CCDC134: variants seen among roughly 807,000 people sequenced by gnomAD.
The protein encoded by CCDC134 is coiled-coil domain-containing protein 134.
A neutral mutation model predicts 25.6 loss-of-function variants in CCDC134; 27 were observed. The observed-to-expected ratio is 1.05, with a 90% CI of 0.78 to 1.45. The LOEUF (loss-of-function observed/expected upper bound fraction) is 1.45. CCDC134 is among the 40% of genes most tolerant of loss of function. The pLI is 0.00. For synonymous variants in CCDC134, 110 were observed against 115.0 expected (o/e 0.96, Z 0.28); for missense variants, 261 against 286.7 (o/e 0.91, Z 0.65).
Position 41,809,072 on chromosome 22 carries a change from A to G in CCDC134, c.103+79A>G, listed in dbSNP as rs2076582122. ...GTTCTTCTACTCAGGGATTCCAGGG[A>G]TAAGCAGGCCCAGCTGGCGGGAACA... On this transcript the variant is annotated intron_variant, in intron 2 of 6. Coordinates refer to ENST00000255784, the MANE Select transcript of CCDC134 (RefSeq NM_024821.5). 4 of 1,209,534 alleles carry G rather than the reference A, an allele frequency of 3.3e-6. No homozygotes were observed. The Admixed American group carries it at 8.4e-5, about 25-fold the overall frequency. The allele number at this position is 1,209,534 out of a possible 1,614,324, so 74.9% of individuals were successfully genotyped here.
intron 6 of CCDC134, among the ~76,000 whole-genome samples, chr22:41,820,728 T>G (rs542742452): frequency 5.9e-5 from 9 of 152,336 alleles, no homozygotes; most frequent in Admixed American, 3.3e-4. Flanking sequence ...AGAATGGGAC[T>G]CATTTTTTCA....
At position 41,809,012 on chromosome 22, in the gene CCDC134, G is replaced by C; in HGVS notation, c.103+19G>C. The C allele has an allele frequency of 6.3e-7, 1 of 1,585,856 alleles. No individual in the cohort carries two copies. The highest frequency in any genetic ancestry group is 1.1e-5 in the South Asian group (1 of 90,420). The stretch of plus-strand genomic sequence containing the variant: ...GAGATCTGTATCCTTTGGGGTTGTA[G>C]TTAATGAGCTGTCTTTGAGAGGTCT... On this transcript the variant is annotated intron_variant, in intron 2 of 6. Transcript: ENST00000255784.
At chr22:41,819,133 G>T (rs561838222) in intron 6 of CCDC134, among the ~76,000 whole-genome samples, 2 of 152,300 alleles carry the variant, frequency 1.3e-5, no homozygotes, top group South Asian at 4.1e-4. Flanking sequence ...AGGAGCCCCA[G>T]ATTTGCTTGG....
chr22:41,807,895 C>T (rs1276659706), intron 1 of CCDC134, among the ~76,000 whole-genome samples: 1 of 152,078 alleles, frequency 6.6e-6, no homozygotes, highest in Non-Finnish European at 1.5e-5. Context: ...GGCGCGGTGG[C>T]TCACATCTGA....
At chr22:41,807,819 G>A (rs913848927) in intron 1 of CCDC134, among the ~76,000 whole-genome samples, 1 of 151,664 alleles carries the variant, frequency 6.6e-6, no homozygotes, top group African/African-American at 2.4e-5. Flanking sequence ...TCAGGAGTTG[G>A]AGACCAGCCT....
chr22:41,822,593 G>A (rs999348369), intron 6 of CCDC134, among the ~76,000 whole-genome samples: 1 of 152,198 alleles, frequency 6.6e-6, no homozygotes, highest in Non-Finnish European at 1.5e-5. Flanking sequence ...ACAGGGAAAG[G>A]ATGGGTGTGT....
intron 6 of CCDC134, among the ~76,000 whole-genome samples, chr22:41,823,763 CAG>C (rs1305467107): frequency 3.9e-5 from 6 of 152,208 alleles, no homozygotes; most frequent in African/African-American, 1.4e-4. Context: ...CAGACTGAGA[CAG>C]TGTAGACATA....
intron 6 of CCDC134, among the ~76,000 whole-genome samples, chr22:41,824,563 T>C (rs2076667079): frequency 6.6e-6 from 1 of 152,148 alleles, no homozygotes; most frequent in Non-Finnish European, 1.5e-5. Flanking sequence ...GGTTTGAGAC[T>C]AGCCTGGCCA....
At chr22:41,823,008 A>G (rs1160287721) in intron 6 of CCDC134, among the ~76,000 whole-genome samples, 1 of 152,178 alleles carries the variant, frequency 6.6e-6, no homozygotes, top group African/African-American at 2.4e-5. Flanking sequence ...ATTTGTCACA[A>G]TTGCCCTAGG....
chr22:41,824,857 G>A lies in CCDC134; in HGVS notation c.565-841G>A, dbSNP rs116138011. On this transcript the variant is annotated intron_variant, in intron 6 of 6. Coordinates refer to ENST00000255784, the MANE Select transcript of CCDC134 (RefSeq NM_024821.5). Reference sequence around the variant, plus strand: ...GGAAAGCCCTTGGGAGGCCCCTAGAGTCATCCAGCAGAGAGATGGGGGTGG... The same window carrying A: ...GGAAAGCCCTTGGGAGGCCCCTAGAATCATCCAGCAGAGAGATGGGGGTGG... Among the ~76,000 whole-genome samples the A allele has an allele frequency of 5.0e-3, 761 of 152,280 alleles. 4 individuals carry two copies. The highest frequency in any genetic ancestry group is 0.017 in the African/African-American group (707 of 41,550).
chr22:41,820,574 G>A (rs535469149), intron 6 of CCDC134, among the ~76,000 whole-genome samples: 53 of 152,334 alleles, frequency 3.5e-4, no homozygotes, highest in Middle Eastern at 3.4e-3. Flanking sequence ...TGAACCAGAC[G>A]ATGACAGTGG....
rs7285782 is a variant in CCDC134, at chr22:41,829,014, T to A, written c.*3191T>A. 6.6e-6 allele frequency among the ~76,000 whole-genome samples: 1 copy of A among 151,924 alleles called. No individual in the cohort carries two copies. The highest frequency in any genetic ancestry group is 2.4e-5 in the African/African-American group (1 of 41,362). ...CGTTTGGGGCTAGGTAATCGTTGGG[T>A]GTGTGAGTGTGAAGAGGGCTGTCCT... On this transcript the variant is annotated 3_prime_UTR_variant, in exon 7 of 7. Transcript: ENST00000255784.
At position 41,808,869 on chromosome 22, in the gene CCDC134, T is replaced by G; in HGVS notation, c.-16-6T>G. The G allele has an allele frequency of 5.0e-6, 8 of 1,597,534 alleles. No individual in the cohort carries two copies. Among genetic ancestry groups the G allele is most frequent in the Non-Finnish European group, 6.0e-6 (7 of 1,164,892 alleles). ...CTCACTCTCTTTCTTTGGGTTATTC[T>G]TCCAGCTCAAGAGGTTTGGATATGG... On this transcript the variant is annotated splice_polypyrimidine_tract_variant and splice_region_variant and intron_variant, in intron 1 of 6. Coordinates refer to ENST00000255784, the MANE Select transcript of CCDC134 (RefSeq NM_024821.5).
rs1393361793 is a variant in CCDC134 at position 41,813,823 on chromosome 22, G to A, written c.564+1G>A. On this transcript the variant is annotated splice_donor_variant, in intron 6 of 6. Coordinates refer to ENST00000255784, the MANE Select transcript of CCDC134 (RefSeq NM_024821.5). LOFTEE classifies it high-confidence loss of function. ...CCCATTTAAAATCGACCGCACAGAG[G>A]TGAGCTGCCAGGGCCTATGCCTGTG... 3 of 1,614,024 alleles carry A rather than the reference G, an allele frequency of 1.9e-6. No homozygotes were observed. The highest frequency in any genetic ancestry group is 2.2e-5 in the East Asian group (1 of 44,874).
chr22:41,813,259 G>A lies in CCDC134; in HGVS notation c.311-5G>A, dbSNP rs1403749440. ...CCTGGCCACTCATCAGGGTCCTCTCGCCAGCTTTCTCCCACGTGGTGGAGA... is the reference window on the plus strand; with the variant it reads ...CCTGGCCACTCATCAGGGTCCTCTCACCAGCTTTCTCCCACGTGGTGGAGA... On this transcript the variant is annotated splice_region_variant and splice_polypyrimidine_tract_variant and intron_variant, in intron 4 of 6. Coordinates refer to ENST00000255784, the MANE Select transcript of CCDC134 (RefSeq NM_024821.5). 9 of 1,613,942 alleles carry A rather than the reference G, an allele frequency of 5.6e-6. No homozygotes were observed. Among genetic ancestry groups the A allele is most frequent in the African/African-American group, 1.3e-5 (1 of 74,926 alleles).
Position 41,809,898 on chromosome 22 carries a change from G to A in CCDC134, c.123G>A (p.Val41=). 6.2e-7 allele frequency: 1 copy of A among 1,614,160 alleles called. No homozygotes were observed. Among genetic ancestry groups the A allele is most frequent in the Non-Finnish European group, 8.5e-7 (1 of 1,180,010 alleles). The change falls in exon 3 of 7, where the codon GTG becomes GTA. Residue 41 remains valine, a synonymous_variant. Transcript: ENST00000255784. The part of the protein sequence containing the change: ...SLEIYKKMFE[V]KRREQLLALK... ...GCCCAGACAAGAAGATGTTTGAGGT[G>A]AAGCGGCGGGAGCAGCTGTTGGCAC...
Position 41,813,371 on chromosome 22 carries a change from A to C in CCDC134, c.418A>C (p.Ile140Leu). The C allele has an allele frequency of 6.2e-7, 1 of 1,614,158 alleles. No individual in the cohort carries two copies. The highest frequency in any genetic ancestry group is 1.1e-5 in the South Asian group (1 of 91,084). ...CCACAACTCCAACTGGAACCTCCTC[A>C]TCCGCTGGGGTATCAGTTTCTGCAA... is the stretch of plus-strand genomic sequence containing the variant. ...FDHNSNWNLL[I>L]RWGISFCNQT... is the part of the protein sequence containing the mutation. The change falls in exon 5 of 7, where the codon ATC (isoleucine) becomes CTC (leucine). Residue 140 changes from isoleucine to leucine, a missense_variant. Transcript: ENST00000255784.
chr22:41,831,013 G>C lies in CCDC134; in HGVS notation c.*5190G>C, dbSNP rs2076705200. Among the ~76,000 whole-genome samples the C allele has an allele frequency of 6.6e-6, 1 of 150,754 alleles. No individual in the cohort carries two copies. On this transcript the variant is annotated 3_prime_UTR_variant, in exon 7 of 7. Transcript: ENST00000255784. The stretch of plus-strand genomic sequence containing the variant: ...CAAGTCTCCTGCCTCAGCTTCCTGA[G>C]TAGCTGGGATTACAGGCATGCACCA...
chr22:41,819,963 T>TTATATATATATATATATA lies in CCDC134; in HGVS notation c.565-5716_565-5699dup, dbSNP rs34213936. 1.1e-3 allele frequency among the ~76,000 whole-genome samples: 89 copies of TTATATATATATATATATA among 82,588 alleles called. 2 individuals are homozygous for TTATATATATATATATATA. The highest frequency in any genetic ancestry group is 5.0e-3 in the East Asian group (9 of 1,790). 54.2% of individuals were successfully genotyped at this position (82,588 alleles called of 152,430 possible). A position where few individuals can be genotyped will look rare whatever the true frequency, so the allele number is the denominator to read the frequency against. ...GGAGAGCAGGCTGTGACTTACCACT[T>TTATATATATATATATATA]TATATATATATATATATATATATAT... On this transcript the variant is annotated intron_variant, in intron 6 of 6. Transcript: ENST00000255784.
Sources: allele counts gnomAD v4.1 joint callset (sites outside exome capture counted in the v4.1 genomes callset), GRCh38; gene constraint gnomAD v4.1.1; transcripts MANE v1.5; gene names NCBI Gene and HGNC (gene_info 2026-07-23, HGNC 2026-07-21).